The following RNF125 variants were observed in gnomAD, a reference collection of about 807,000 sequenced individuals.
The protein encoded by RNF125 is E3 ubiquitin-protein ligase RNF125.
A neutral mutation model predicts 26.0 loss-of-function variants in RNF125; 21 were observed. The ratio of observed to expected loss-of-function variants is 0.81; its 90% CI spans 0.57 to 1.16. The LOEUF (loss-of-function observed/expected upper bound fraction) is 1.16, where lower values mean the gene tolerates loss of function less well. Among genes scored for constraint, RNF125 ranks in the 50% most tolerant of loss-of-function variants. RNF125 has a pLI of 0.00. For missense variants in RNF125, 270 were observed against 299.4 expected (o/e 0.90, Z 0.72); for synonymous variants, 95 against 109.2 (o/e 0.87, Z 0.81).
At chr18:32,056,598 G>A (rs1277344705) in intron 4 of RNF125, among the ~76,000 whole-genome samples, 2 of 134,048 alleles carry the variant, frequency 1.5e-5, no homozygotes, top group African/African-American at 5.9e-5. Context: ...TCTAGCCTGG[G>A]CAAAAAGAGC....
intron 4 of RNF125, among the ~76,000 whole-genome samples, chr18:32,048,942 C>T (rs2039299039): frequency 6.6e-6 from 1 of 152,306 alleles, no homozygotes; most frequent in East Asian, 1.9e-4. Context: ...TTCTTGTCTC[C>T]TAGCAACTCT....
chr18:32,028,222 A>C (rs1461246876), intron 1 of RNF125, among the ~76,000 whole-genome samples: 1 of 143,900 alleles, frequency 6.9e-6, no homozygotes, highest in Non-Finnish European at 1.5e-5. Flanking sequence ...GGTGTGAACT[A>C]GGGAGGCAGA....
intron 4 of RNF125, among the ~76,000 whole-genome samples, chr18:32,052,234 C>T (rs1159405495): frequency 6.6e-6 from 1 of 151,688 alleles, no homozygotes; most frequent in Non-Finnish European, 1.5e-5. Context: ...GTGGCTCGTG[C>T]CTGTAATCCC....
intron 4 of RNF125, among the ~76,000 whole-genome samples, chr18:32,053,356 C>G (rs2039347093): frequency 6.7e-6 from 1 of 148,900 alleles, no homozygotes; most frequent in Non-Finnish European, 1.5e-5. Context: ...GAGTGAAACT[C>G]TGTCTCAAAC....
chr18:32,075,961 G>T, downstream of RNF125: 4 of 1,516,558 alleles, frequency 2.6e-6, no homozygotes, highest in East Asian at 2.3e-5. Flanking sequence ...GCCAGCTGAG[G>T]TTGTCAGTAC....
intron 2 of RNF125, among the ~76,000 whole-genome samples, chr18:32,039,569 G>T (rs1332169072): frequency 6.6e-6 from 1 of 151,978 alleles, no homozygotes; most frequent in East Asian, 1.9e-4. Flanking sequence ...CTTAATAATA[G>T]ATTATTGCCT....
At position 32,037,180 on chromosome 18, in the gene RNF125, GCATATCTTCCTT is replaced by G; in HGVS notation, c.232_243del (p.Tyr78_Ser81del). The G allele has an allele frequency of 6.2e-7, 1 of 1,605,822 alleles. No homozygotes were observed. On this transcript the variant is annotated inframe_deletion, in exon 2 of 6. Transcript: ENST00000217740. ...CAAGTGGACCTGTCCTTATTGCCGG[GCATATCTTCCTT>G]CAGAAGGAGTTCCAGCAACTGATGT...
At chr18:32,036,986 C>A in intron 1 of RNF125, 130 bp from the exon 2 acceptor site, 3 of 748,572 alleles carry the variant, frequency 4.0e-6, no homozygotes, top group Non-Finnish European at 6.6e-6. Flanking sequence ...TGCAAGTGGA[C>A]CTGTAATTTG....
At chr18:32,020,528 T>C (rs946149936) in intron 1 of RNF125, among the ~76,000 whole-genome samples, 1 of 151,608 alleles carries the variant, frequency 6.6e-6, no homozygotes. Context: ...AATACCGTTA[T>C]TATGAATGCA....
intron 4 of RNF125, among the ~76,000 whole-genome samples, chr18:32,058,225 T>C (rs1598824232): frequency 1.3e-5 from 2 of 152,092 alleles, no homozygotes; most frequent in Non-Finnish European, 2.9e-5. Flanking sequence ...TAGGTGTATA[T>C]ATTTATGGGG....
intron 3 of RNF125, among the ~76,000 whole-genome samples, chr18:32,043,459 T>G (rs545431216): frequency 6.6e-6 from 1 of 152,366 alleles, no homozygotes; most frequent in African/African-American, 2.4e-5. Context: ...TCTTTTTGTT[T>G]TACTAGAGAT....
chr18:32,042,365 AT>A, intron 3 of RNF125, 92 bp downstream of exon 3: 1 of 764,492 alleles, frequency 1.3e-6, no homozygotes. Context: ...TTATGAAAAT[AT>A]TTACATATTT....
At chr18:32,030,622 C>T (rs1191441589) in intron 1 of RNF125, among the ~76,000 whole-genome samples, 1 of 152,206 alleles carries the variant, frequency 6.6e-6, no homozygotes. Context: ...TGGACCTTTC[C>T]TCTCTGCCAA....
chr18:32,053,558 A>G (rs1258076669), intron 4 of RNF125, among the ~76,000 whole-genome samples: 1 of 151,810 alleles, frequency 6.6e-6, no homozygotes, highest in Non-Finnish European at 1.5e-5. Context: ...CAGGCAGATC[A>G]CTTGTGGTCA....
intron 1 of RNF125, among the ~76,000 whole-genome samples, chr18:32,030,109 A>G (rs2039077513): frequency 6.6e-6 from 1 of 152,122 alleles, no homozygotes; most frequent in Non-Finnish European, 1.5e-5. Flanking sequence ...CAGTGATGCG[A>G]TCTTGGCTCA....
intron 1 of RNF125, among the ~76,000 whole-genome samples, chr18:32,025,219 C>CAT (rs80178203): frequency 0.12 from 18,763 of 152,098 alleles, 1,484 homozygotes; most frequent in East Asian, 0.23. Flanking sequence ...CATGTGTAAA[C>CAT]ATATATATAC....
At chr18:32,077,475 C>T (rs1309873061), downstream of RNF125, among the ~76,000 whole-genome samples, 2 of 151,618 alleles carry the variant, frequency 1.3e-5, no homozygotes, top group East Asian at 3.9e-4. Flanking sequence ...GATTCTCCTA[C>T]CTCAGCCTCC....
chr18:32,040,048 GGA>G (rs1273506586), intron 2 of RNF125, among the ~76,000 whole-genome samples: 176 of 151,982 alleles, frequency 1.2e-3, no homozygotes, highest in African/African-American at 3.9e-3. Context: ...CAAAGTGCTA[GGA>G]TTACAAGTAT....
intron 4 of RNF125, among the ~76,000 whole-genome samples, chr18:32,054,167 C>T (rs1055821912): frequency 4.7e-5 from 7 of 147,502 alleles, no homozygotes; most frequent in South Asian, 2.1e-4. Flanking sequence ...GGTCTCGGCT[C>T]GGAGCAACCT....
Sources: allele counts gnomAD v4.1 joint callset (sites outside exome capture counted in the v4.1 genomes callset), GRCh38; gene constraint gnomAD v4.1.1; transcripts MANE v1.5; gene names NCBI Gene and HGNC (gene_info 2026-07-23, HGNC 2026-07-21).